Variants in VAC14 observed in about 807,000 individuals in gnomAD.
The protein encoded by VAC14 is VAC14 component of PIKFYVE complex.
Under a neutral mutation model 85.3 loss-of-function variants are expected in VAC14, and 47 were observed. That is an observed-to-expected ratio of 0.55 (90% CI 0.44 to 0.70). The LOEUF (loss-of-function observed/expected upper bound fraction) is 0.70, where lower values mean the gene tolerates loss of function less well. Ranked by LOEUF, VAC14 falls within the 30% of genes least tolerant of loss-of-function variation. The pLI is 0.00. For missense variants in VAC14, 861 were observed against 1,004.3 expected (o/e 0.86, Z 1.93); for synonymous variants, 447 against 430.5 (o/e 1.04, Z -0.47).
chr16:70,749,394 GC>G (rs2031191948), intron 12 of VAC14, among the ~76,000 whole-genome samples: 1 of 152,246 alleles, frequency 6.6e-6, no homozygotes, highest in Admixed American at 6.5e-5. Flanking sequence ...GCAAATGAAT[GC>G]AAATTACACT....
At chr16:70,712,012 G>A (rs2054045061) in intron 14 of VAC14, among the ~76,000 whole-genome samples, 1 of 152,190 alleles carries the variant, frequency 6.6e-6, no homozygotes, top group Admixed American at 6.5e-5. Flanking sequence ...GCATGGCTGG[G>A]AGGGGGCTCC....
chr16:70,781,742 C>T (rs1025046317), intron 8 of VAC14, 127 bp downstream of exon 8: 21 of 1,325,052 alleles, frequency 1.6e-5, no homozygotes, highest in Admixed American at 1.1e-4. Flanking sequence ...CTCTTTTTCC[C>T]GAGCTGCTAG....
Position 70,781,864 on chromosome 16 carries a change from G to C in VAC14, c.946+5C>G. On this transcript the variant is annotated splice_donor_5th_base_variant and intron_variant, in intron 8 of 18. Coordinates refer to ENST00000261776, the MANE Select transcript of VAC14 (RefSeq NM_018052.5). ...TCAATTATTCTCTCCCAAAGCAAAG[G>C]ATACTTTTCTTGCGGTCATCGTAGG... The C allele has an allele frequency of 6.2e-7, 1 of 1,613,816 alleles. No individual in the cohort carries two copies. The highest frequency in any genetic ancestry group is 1.1e-5 in the South Asian group (1 of 91,074).
chr16:70,761,006 T>C (rs1189139396), intron 12 of VAC14: 1 of 322,274 alleles, frequency 3.1e-6, no homozygotes, highest in Non-Finnish European at 5.9e-6. Context: ...TGTGTGTGTG[T>C]GTGTGTGTGT....
At chr16:70,751,907 C>T (rs1597937105) in intron 12 of VAC14, among the ~76,000 whole-genome samples, 2 of 152,196 alleles carry the variant, frequency 1.3e-5, no homozygotes, top group Non-Finnish European at 1.5e-5. Flanking sequence ...CTGGTCTGCA[C>T]GGGGTCACAG....
intron 10 of VAC14, chr16:70,769,836 T>TC (rs1332629513): frequency 6.6e-6 from 1 of 151,888 alleles, no homozygotes; most frequent in African/African-American, 2.4e-5. Context: ...CTCCCCGACC[T>TC]CCCCCTCAAT....
At chr16:70,775,845 A>C (rs2033488974) in intron 9 of VAC14, among the ~76,000 whole-genome samples, 1 of 152,220 alleles carries the variant, frequency 6.6e-6, no homozygotes, top group Admixed American at 6.5e-5. Flanking sequence ...TCACTCTTAC[A>C]TCTCTCCTGT....
chr16:70,714,400 G>C (rs182753852), intron 14 of VAC14: 7 of 152,354 alleles, frequency 4.6e-5, no homozygotes, highest in Admixed American at 3.3e-4. Flanking sequence ...GAAGCAGAAG[G>C]AACTGGACCG....
intron 14 of VAC14, among the ~76,000 whole-genome samples, chr16:70,713,562 A>G (rs2054083441): frequency 6.6e-6 from 1 of 152,198 alleles, no homozygotes; most frequent in Non-Finnish European, 1.5e-5. Flanking sequence ...GCTTGAGGAG[A>G]CACAGATGAT....
rs569169890 is a variant in VAC14 at position 70,700,494 on chromosome 16, G to T, written c.1662-1683C>A. On this transcript the variant is annotated intron_variant, in intron 14 of 18. Transcript: ENST00000261776. ...CACAATTTTTCCACCTTAATTAGGG[G>T]CAATACCTATCTGTGAAATAGGGGG... is the stretch of plus-strand genomic sequence containing the variant. Among the ~76,000 whole-genome samples the T allele has an allele frequency of 6.6e-5, 10 of 152,340 alleles. 1 individual carries two copies. The highest frequency in any genetic ancestry group is 6.8e-3 in the Middle Eastern group (2 of 294).
intron 10 of VAC14, among the ~76,000 whole-genome samples, chr16:70,765,494 T>C (rs1474097866): frequency 6.6e-6 from 1 of 152,134 alleles, no homozygotes; most frequent in Non-Finnish European, 1.5e-5. Context: ...AGTCACTCCT[T>C]AAAAAGCCCT....
intron 13 of VAC14, among the ~76,000 whole-genome samples, chr16:70,735,230 C>G (rs1331199765): frequency 6.6e-6 from 1 of 152,070 alleles, no homozygotes; most frequent in East Asian, 1.9e-4. Context: ...AGGCTGGCCC[C>G]TTTCTGGTCC....
chr16:70,724,288 C>A (rs1253303124), intron 14 of VAC14, among the ~76,000 whole-genome samples: 1 of 152,172 alleles, frequency 6.6e-6, no homozygotes, highest in Admixed American at 6.5e-5. Flanking sequence ...ACTGTGGGGA[C>A]TGCTTGGAGG....
intron 12 of VAC14, among the ~76,000 whole-genome samples, chr16:70,752,218 C>T (rs1387108113): frequency 6.6e-6 from 1 of 152,244 alleles, no homozygotes; most frequent in East Asian, 1.9e-4. Context: ...CAGAGGCCAG[C>T]GCCTAACGCT....
intron 9 of VAC14, among the ~76,000 whole-genome samples, chr16:70,775,746 G>A (rs1162456743): frequency 6.6e-6 from 1 of 152,216 alleles, no homozygotes; most frequent in Admixed American, 6.5e-5. Context: ...TGCCCCTGGA[G>A]GGCATCTTTT....
intron 14 of VAC14, chr16:70,700,290 G>A (rs1316698829): frequency 1.3e-5 from 2 of 152,232 alleles, no homozygotes; most frequent in South Asian, 2.1e-4. Context: ...AAGAAACCAC[G>A]AGAAACAGAA....
chr16:70,794,136 G>C (rs2143338347), intron 1 of VAC14, among the ~76,000 whole-genome samples: 1 of 152,272 alleles, frequency 6.6e-6, no homozygotes, highest in South Asian at 2.1e-4. Context: ...TAAATATTGG[G>C]ACACAATTCA....
At chr16:70,715,840 G>C (rs1440667848) in intron 14 of VAC14, 1 of 152,242 alleles carries the variant, frequency 6.6e-6, no homozygotes, top group African/African-American at 2.4e-5. Flanking sequence ...AGACCAGACA[G>C]ATACATGTAT....
intron 10 of VAC14, among the ~76,000 whole-genome samples, chr16:70,765,064 A>C (rs970434917): frequency 6.6e-6 from 1 of 152,146 alleles, no homozygotes; most frequent in Admixed American, 6.5e-5. Context: ...CCAAGGCCTT[A>C]TGCAAAGCAG....
Sources: allele counts gnomAD v4.1 joint callset (sites outside exome capture counted in the v4.1 genomes callset), GRCh38; gene constraint gnomAD v4.1.1; transcripts MANE v1.5; gene names NCBI Gene and HGNC (gene_info 2026-07-23, HGNC 2026-07-21).